The following KIAA0319L variants were observed in gnomAD, a reference collection of about 807,000 sequenced individuals.
KIAA0319L encodes the protein KIAA0319 like.
In KIAA0319L, 55 loss-of-function variants were observed where a neutral mutation model predicts 120.1. The ratio of observed to expected loss-of-function variants is 0.46; its 90% CI spans 0.37 to 0.57. The LOEUF (loss-of-function observed/expected upper bound fraction) is 0.57, where lower values mean the gene tolerates loss of function less well. Ranked by LOEUF, KIAA0319L falls within the 20% of genes least tolerant of loss-of-function variation. The pLI is 0.00. For synonymous variants in KIAA0319L, 398 were observed against 471.9 expected (o/e 0.84, Z 2.03); for missense variants, 1,049 against 1,255.3 (o/e 0.84, Z 2.48).
chr1:35,444,242 C>G lies in KIAA0319L; in HGVS notation c.2575G>C (p.Val859Leu). The stretch of plus-strand genomic sequence containing the variant: ...AGCTCACTCTTGAGCATCGCTGCCA[C>G]CTCATGGCCTTTGAAGATCTGGTGG... ...PPHQIFKGHE[V>L]AAMLKSELRK... The change falls in exon 17 of 21, where the codon GTG becomes CTG. Residue 859 changes from valine to leucine, a missense_variant. Coordinates refer to ENST00000325722, the MANE Select transcript of KIAA0319L (RefSeq NM_024874.5). The G allele has an allele frequency of 6.2e-7, 1 of 1,609,402 alleles. No individual in the cohort carries two copies. The highest frequency in any genetic ancestry group is 1.3e-5 in the African/African-American group (1 of 74,894).
chr1:35,491,724 ACTAGT>A (rs1644602346), intron 3 of KIAA0319L, among the ~76,000 whole-genome samples: 1 of 152,218 alleles, frequency 6.6e-6, no homozygotes. Context: ...AGAAACATTA[ACTAGT>A]CTAATCAGGA....
rs757255252 is a variant in KIAA0319L at position 35,456,010 on chromosome 1, T to C, written c.1656+3A>G. On this transcript the variant is annotated splice_donor_region_variant and intron_variant, in intron 10 of 20. Transcript: ENST00000325722. Reference sequence around the variant, plus strand: ...AGAAAAAATAGGAACCATTCCCTCCTACCTGCATCTCCACCACTTTCCCTT... The same window carrying C: ...AGAAAAAATAGGAACCATTCCCTCCCACCTGCATCTCCACCACTTTCCCTT... The C allele has an allele frequency of 1.9e-6, 3 of 1,607,666 alleles. No homozygotes were observed. Among genetic ancestry groups the C allele is most frequent in the Non-Finnish European group, 2.6e-6 (3 of 1,175,168 alleles).
chr1:35,538,967 A>T (rs1205023805), intron 2 of KIAA0319L, among the ~76,000 whole-genome samples: 3 of 152,030 alleles, frequency 2.0e-5, no homozygotes, highest in Non-Finnish European at 4.4e-5. Context: ...GCGTTTCCTT[A>T]TCCTCATCTG....
chr1:35,516,028 A>G (rs1279171860), intron 2 of KIAA0319L, among the ~76,000 whole-genome samples: 4 of 152,202 alleles, frequency 2.6e-5, no homozygotes, highest in Non-Finnish European at 5.9e-5. Context: ...GAACAGACCA[A>G]TAATGAGCTC....
At position 35,513,262 on chromosome 1, in the gene KIAA0319L, T is replaced by C. The variant is rs12030344; in HGVS notation, c.143-6127A>G. 6.9e-3 allele frequency among the ~76,000 whole-genome samples: 941 copies of C among 137,020 alleles called. 12 individuals carry two copies. Among genetic ancestry groups the C allele is most frequent in the South Asian group, 0.039 (171 of 4,358 alleles). The allele number at this position is 137,020 out of a possible 152,430, so 89.9% of individuals were successfully genotyped here. A position where few individuals can be genotyped will look rare whatever the true frequency, so the allele number is the denominator to read the frequency against. On this transcript the variant is annotated intron_variant, in intron 2 of 20. Coordinates refer to ENST00000325722, the MANE Select transcript of KIAA0319L (RefSeq NM_024874.5). ...TTTATATATATATAAATCATATCTATATAACATATATATATATATATATAT... is the reference window on the plus strand; with the variant it reads ...TTTATATATATATAAATCATATCTACATAACATATATATATATATATATAT...
chr1:35,550,466 T>C lies in KIAA0319L; in HGVS notation c.142+3884A>G, dbSNP rs181217780. Among the ~76,000 whole-genome samples the C allele has an allele frequency of 3.3e-5, 5 of 152,322 alleles. No individual in the cohort carries two copies. The East Asian group carries it at 9.6e-4, about 29-fold the overall frequency. ...ATTATTTTGTTGTTGCTTTTTCAAG[T>C]AGGTTGTTTTCCCCCTTATATAAAA... On this transcript the variant is annotated intron_variant, in intron 2 of 20. Coordinates refer to ENST00000325722, the MANE Select transcript of KIAA0319L (RefSeq NM_024874.5).
intron 2 of KIAA0319L, among the ~76,000 whole-genome samples, chr1:35,540,794 G>C (rs542329581): frequency 8.5e-5 from 13 of 152,274 alleles, no homozygotes; most frequent in African/African-American, 2.4e-4. Flanking sequence ...CCCTAGGGAA[G>C]CCTCAAACTC....
intron 2 of KIAA0319L, among the ~76,000 whole-genome samples, chr1:35,526,518 T>C (rs965702215): frequency 2.0e-5 from 3 of 150,530 alleles, no homozygotes. Context: ...CAATCTTAGC[T>C]CACTGCAGCC....
chr1:35,457,390 G>A lies in KIAA0319L; in HGVS notation c.1428-1149C>T, dbSNP rs369857948. Reference sequence around the variant, plus strand: ...TGGACATCCTAGGCAGACAGCCTGCGGGACGAACCAGGAGGGCTGGCTCCA... The same window carrying A: ...TGGACATCCTAGGCAGACAGCCTGCAGGACGAACCAGGAGGGCTGGCTCCA... On this transcript the variant is annotated intron_variant, in intron 9 of 20. Transcript: ENST00000325722. 3.4e-3 allele frequency among the ~76,000 whole-genome samples: 523 copies of A among 152,018 alleles called. 2 individuals carry two copies. The highest frequency in any genetic ancestry group is 4.8e-3 in the Non-Finnish European group (324 of 67,958).
rs1156592269 is a variant in KIAA0319L at position 35,479,217 on chromosome 1, A to G, written c.667-5T>C. 2.5e-6 allele frequency: 4 copies of G among 1,606,890 alleles called. No individual in the cohort carries two copies. The African/African-American group carries it at 4.0e-5, about 16-fold the overall frequency. ...AATTGTAATCGCCTTGTGGACCTAA[A>G]GAAATAAAAAAACTAATTTGAGTAG... On this transcript the variant is annotated splice_polypyrimidine_tract_variant and splice_region_variant and intron_variant, in intron 3 of 20. Coordinates refer to ENST00000325722, the MANE Select transcript of KIAA0319L (RefSeq NM_024874.5).
intron 3 of KIAA0319L, among the ~76,000 whole-genome samples, chr1:35,494,724 T>C (rs1417715536): frequency 6.6e-6 from 1 of 151,136 alleles, no homozygotes; most frequent in Non-Finnish European, 1.5e-5. Flanking sequence ...AGTGGGAGAA[T>C]CACCTGAGCC....
At chr1:35,462,004 C>T (rs1181226423) in intron 8 of KIAA0319L, among the ~76,000 whole-genome samples, 1 of 152,024 alleles carries the variant, frequency 6.6e-6, no homozygotes, top group African/African-American at 2.4e-5. Context: ...AAAACAAAAC[C>T]AAAAACCAAG....
At chr1:35,509,113 G>A (rs1645321401) in intron 2 of KIAA0319L, among the ~76,000 whole-genome samples, 1 of 152,072 alleles carries the variant, frequency 6.6e-6, no homozygotes, top group Non-Finnish European at 1.5e-5. Flanking sequence ...TCCAGACTGT[G>A]GCACAGGCAA....
chr1:35,548,600 T>A (rs1647076122), intron 2 of KIAA0319L, among the ~76,000 whole-genome samples: 1 of 152,174 alleles, frequency 6.6e-6, no homozygotes, highest in African/African-American at 2.4e-5. Context: ...TAGTATAAAA[T>A]TACGTGTTAT....
intron 2 of KIAA0319L, among the ~76,000 whole-genome samples, chr1:35,525,710 T>C (rs1646099566): frequency 6.6e-6 from 1 of 152,206 alleles, no homozygotes; most frequent in East Asian, 1.9e-4. Flanking sequence ...TGTTGAGTTG[T>C]TGGAATTGTG....
intron 20 of KIAA0319L, among the ~76,000 whole-genome samples, chr1:35,436,418 G>A (rs1028959645): frequency 2.6e-5 from 4 of 152,182 alleles, no homozygotes; most frequent in South Asian, 2.1e-4. Flanking sequence ...TTCGGGCAGC[G>A]GAGCAGCAGG....
At chr1:35,469,708 A>G (rs935823761) in intron 6 of KIAA0319L, among the ~76,000 whole-genome samples, 5 of 151,832 alleles carry the variant, frequency 3.3e-5, no homozygotes, top group Admixed American at 2.0e-4. Context: ...GCCACCTGTT[A>G]TAATTACCTG....
chr1:35,515,264 A>G lies in KIAA0319L; in HGVS notation c.143-8129T>C, dbSNP rs540627644. Among the ~76,000 whole-genome samples the G allele has an allele frequency of 2.6e-5, 4 of 151,582 alleles. No homozygotes were observed. The South Asian group carries it at 6.3e-4, about 24-fold the overall frequency. ...GAGGCAGAGGCTGTAGTGAGCTGAGATCGTGCCATTGCACTCCAGCCTGGA... is the reference window on the plus strand; with the variant it reads ...GAGGCAGAGGCTGTAGTGAGCTGAGGTCGTGCCATTGCACTCCAGCCTGGA... On this transcript the variant is annotated intron_variant, in intron 2 of 20. Transcript: ENST00000325722.
rs556924431 is a variant in KIAA0319L at position 35,486,065 on chromosome 1, G to A, written c.667-6853C>T. 2.0e-5 allele frequency among the ~76,000 whole-genome samples: 3 copies of A among 152,328 alleles called. No individual in the cohort carries two copies. In the South Asian group the frequency reaches 6.2e-4, roughly 32 times the overall value. ...TCCAAGAAGACCACAGACTTCCACT[G>A]TACCTACTCAAAGTATTACCAGCCT... On this transcript the variant is annotated intron_variant, in intron 3 of 20. Coordinates refer to ENST00000325722, the MANE Select transcript of KIAA0319L (RefSeq NM_024874.5).
Sources: gnomAD v4.1 joint callset for allele counts (sites outside exome capture counted in the v4.1 genomes callset) on GRCh38, gnomAD v4.1.1 for gene constraint, MANE v1.5 for transcripts, NCBI Gene and HGNC (gene_info 2026-07-23, HGNC 2026-07-21) for gene names.